Variants in PPFIBP1 observed in about 807,000 individuals in gnomAD.
PPFIBP1 encodes the protein PPFIB scaffold protein 1.
Under a neutral mutation model 137.8 loss-of-function variants are expected in PPFIBP1, and 112 were observed. The ratio of observed to expected loss-of-function variants is 0.81; its 90% CI spans 0.70 to 0.95. The LOEUF (loss-of-function observed/expected upper bound fraction) is 0.95, where lower values mean the gene tolerates loss of function less well. Ranked by LOEUF, PPFIBP1 falls within the 40% of genes least tolerant of loss-of-function variation. The pLI is 0.00. For missense variants in PPFIBP1, 1,083 were observed against 1,196.6 expected (o/e 0.91, Z 1.40); for synonymous variants, 378 against 417.3 (o/e 0.91, Z 1.15).
chr12:27,564,776 GCT>G (rs2049498328), intron 1 of PPFIBP1, among the ~76,000 whole-genome samples: 1 of 152,012 alleles, frequency 6.6e-6, no homozygotes, highest in African/African-American at 2.4e-5. Flanking sequence ...TTCCTAATCT[GCT>G]CTTTGTTCTC....
chr12:27,615,435 G>T (rs1242056493), intron 2 of PPFIBP1, among the ~76,000 whole-genome samples: 1 of 152,204 alleles, frequency 6.6e-6, no homozygotes, highest in Non-Finnish European at 1.5e-5. Flanking sequence ...TGGATTCCAA[G>T]ATAAAAAGGG....
At chr12:27,567,779 G>C (rs886725728) in intron 1 of PPFIBP1, among the ~76,000 whole-genome samples, 1 of 152,140 alleles carries the variant, frequency 6.6e-6, no homozygotes, top group Non-Finnish European at 1.5e-5. Context: ...AGTCTGGAAA[G>C]GTTGTTTGGT....
At chr12:27,686,484 A>C (rs1164286715) in intron 24 of PPFIBP1, among the ~76,000 whole-genome samples, 1 of 152,124 alleles carries the variant, frequency 6.6e-6, no homozygotes, top group African/African-American at 2.4e-5. Context: ...GTTGATTGGT[A>C]ATATATATAT....
At chr12:27,582,001 T>C (rs1445645924) in intron 2 of PPFIBP1, among the ~76,000 whole-genome samples, 1 of 151,954 alleles carries the variant, frequency 6.6e-6, no homozygotes, top group Non-Finnish European at 1.5e-5. Context: ...TGTGTGTGTA[T>C]GGAGTTTGTG....
At chr12:27,626,164 CAT>C (rs1355893372) in intron 2 of PPFIBP1, among the ~76,000 whole-genome samples, 1 of 152,048 alleles carries the variant, frequency 6.6e-6, no homozygotes, top group Non-Finnish European at 1.5e-5. Context: ...AGGAAAAAAA[CAT>C]GTGATGACAG....
At chr12:27,528,675 A>AT (rs1349233951) in intron 1 of PPFIBP1, among the ~76,000 whole-genome samples, 1 of 151,864 alleles carries the variant, frequency 6.6e-6, no homozygotes, top group Non-Finnish European at 1.5e-5. Context: ...AGTGGTGAGC[A>AT]TTTTTTTTCC....
chr12:27,561,900 A>G (rs535405581), intron 1 of PPFIBP1, among the ~76,000 whole-genome samples: 23 of 152,196 alleles, frequency 1.5e-4, no homozygotes, highest in Non-Finnish European at 2.9e-4. Flanking sequence ...TAAAATTAAA[A>G]ATTAGCTGGG....
At chr12:27,647,877 C>T (rs1472366722) in intron 6 of PPFIBP1, 35 bp downstream of exon 6, 1 of 1,587,240 alleles carries the variant, frequency 6.3e-7, no homozygotes, top group Non-Finnish European at 8.6e-7. Flanking sequence ...ATGGGATTTC[C>T]CTGCTGAACT....
chr12:27,671,923 T>C (rs2060223656), intron 14 of PPFIBP1, among the ~76,000 whole-genome samples: 1 of 152,002 alleles, frequency 6.6e-6, no homozygotes, highest in Non-Finnish European at 1.5e-5. Context: ...AATACAAAAA[T>C]TAGCTGAGTA....
chr12:27,560,341 G>A (rs1282686743), intron 1 of PPFIBP1, among the ~76,000 whole-genome samples: 1 of 152,178 alleles, frequency 6.6e-6, no homozygotes, highest in Non-Finnish European at 1.5e-5. Flanking sequence ...GTTTCTTTCG[G>A]TGGTTTGGAT....
chr12:27,615,036 C>T (rs923598393), intron 2 of PPFIBP1, among the ~76,000 whole-genome samples: 1 of 152,146 alleles, frequency 6.6e-6, no homozygotes, highest in African/African-American at 2.4e-5. Flanking sequence ...ATAGGAGATC[C>T]AGCCACAGAA....
At chr12:27,673,412 G>A (rs1565987816) in intron 15 of PPFIBP1, among the ~76,000 whole-genome samples, 1 of 152,168 alleles carries the variant, frequency 6.6e-6, no homozygotes, top group African/African-American at 2.4e-5. Context: ...GATATAAATA[G>A]TACGTGAGTA....
intron 1 of PPFIBP1, among the ~76,000 whole-genome samples, chr12:27,531,046 A>T (rs762103051): frequency 4.9e-4 from 74 of 152,324 alleles, no homozygotes; most frequent in Non-Finnish European, 1.0e-3. Flanking sequence ...ATGTGATCTT[A>T]ACTGAGTCTA....
At chr12:27,548,883 G>A (rs548555333) in intron 1 of PPFIBP1, 1 of 152,314 alleles carries the variant, frequency 6.6e-6, no homozygotes, top group East Asian at 1.9e-4. Context: ...GTAATGTCAA[G>A]TCCTGGAAGA....
chr12:27,550,991 A>ATATATATATTT (rs375148048), intron 1 of PPFIBP1, among the ~76,000 whole-genome samples: 1 of 136,712 alleles, frequency 7.3e-6, no homozygotes, highest in African/African-American at 2.8e-5. Flanking sequence ...ATATATATAT[A>ATATATATATTT]TTTTTTTTTT....
At chr12:27,612,918 G>A (rs914057497) in intron 2 of PPFIBP1, among the ~76,000 whole-genome samples, 3 of 132,092 alleles carry the variant, frequency 2.3e-5, no homozygotes, top group Non-Finnish European at 4.9e-5. Context: ...GGGTGGGTTA[G>A]ATAATACACA....
intron 1 of PPFIBP1, among the ~76,000 whole-genome samples, chr12:27,558,663 A>T (rs2048909288): frequency 6.6e-6 from 1 of 152,010 alleles, no homozygotes; most frequent in African/African-American, 2.4e-5. Flanking sequence ...ATTATAAATT[A>T]TGCGTATGTT....
intron 24 of PPFIBP1, among the ~76,000 whole-genome samples, chr12:27,683,745 C>T (rs1358831698): frequency 3.3e-5 from 5 of 151,970 alleles, no homozygotes; most frequent in Admixed American, 6.6e-5. Flanking sequence ...TAATGTTCTA[C>T]TTAAAATTCT....
chr12:27,531,295 T>C (rs978440900), intron 1 of PPFIBP1, among the ~76,000 whole-genome samples: 6 of 151,974 alleles, frequency 3.9e-5, no homozygotes, highest in Admixed American at 6.6e-5. Context: ...TAATTAGAAA[T>C]TATTATTATT....
Sources: allele counts gnomAD v4.1 joint callset (sites outside exome capture counted in the v4.1 genomes callset), GRCh38; gene constraint gnomAD v4.1.1; transcripts MANE v1.5; gene names NCBI Gene and HGNC (gene_info 2026-07-23, HGNC 2026-07-21).